The following TASP1 variants were observed in gnomAD, a reference collection of about 807,000 sequenced individuals.
TASP1 encodes taspase 1.
TASP1 carries 16 observed loss-of-function variants against 56.6 expected under a neutral mutation model. The observed-to-expected ratio is 0.28, with a 90% CI of 0.19 to 0.43. The LOEUF (loss-of-function observed/expected upper bound fraction) is 0.43, where lower values mean the gene tolerates loss of function less well. TASP1 is among the 20% of genes least tolerant of loss of function. TASP1 has a pLI of 1.00. For missense variants in TASP1, 393 were observed against 511.6 expected (o/e 0.77, Z 2.24); for synonymous variants, 179 against 184.2 (o/e 0.97, Z 0.23).
chr20:13,131,669 A>G, the TASP1 span, among the ~76,000 whole-genome samples: 1 of 152,132 alleles, frequency 6.6e-6, no homozygotes, highest in Non-Finnish European at 1.5e-5. Context: ...CACACAGCCA[A>G]CACTCTCTCT....
At chr20:13,407,223 T>C (rs2041958245) in intron 13 of TASP1, among the ~76,000 whole-genome samples, 1 of 152,200 alleles carries the variant, frequency 6.6e-6, no homozygotes. Flanking sequence ...AGAAACCCTG[T>C]GCCCATTAGC....
chr20:13,299,484 G>GCTGCCTCTGGTTCTGGAGCACA, the TASP1 span: 1 of 1,570,484 alleles, frequency 6.4e-7, no homozygotes, highest in Non-Finnish European at 8.6e-7. The surrounding 1 kb of genome is among the most constrained non-coding windows in gnomAD (Gnocchi z 5.8). Context: ...GGTGGAGGAC[G>GCTGCCTCTGGTTCTGGAGCACA]CTGCCTCTGG....
At chr20:13,252,455 AG>A in the TASP1 span, among the ~76,000 whole-genome samples, 1 of 152,168 alleles carries the variant, frequency 6.6e-6, no homozygotes, top group Non-Finnish European at 1.5e-5. Flanking sequence ...TTCAGTATAA[AG>A]GGGCGCCATC....
chr20:13,294,992 G>A, the TASP1 span, among the ~76,000 whole-genome samples: 2 of 152,202 alleles, frequency 1.3e-5, no homozygotes, highest in Non-Finnish European at 2.9e-5. Flanking sequence ...GAGTTCATAA[G>A]ACATGCCCAA....
chr20:13,147,906 G>A, the TASP1 span, among the ~76,000 whole-genome samples: 6 of 152,178 alleles, frequency 3.9e-5, no homozygotes, highest in Non-Finnish European at 7.3e-5. Flanking sequence ...GCATATTCAT[G>A]TTTTCTGTTA....
chr20:13,611,495 A>G (rs2048345612), intron 4 of TASP1, among the ~76,000 whole-genome samples: 2 of 152,202 alleles, frequency 1.3e-5, no homozygotes. Context: ...ATAAAAGTTA[A>G]TATTTAAGTC....
chr20:13,256,994 A>C, the TASP1 span, among the ~76,000 whole-genome samples: 1 of 152,208 alleles, frequency 6.6e-6, no homozygotes, highest in Non-Finnish European at 1.5e-5. Flanking sequence ...AAATGTAACA[A>C]TGTGAAAGTG....
chr20:13,183,885 C>A, the TASP1 span, among the ~76,000 whole-genome samples: 1 of 151,680 alleles, frequency 6.6e-6, no homozygotes, highest in Non-Finnish European at 1.5e-5. Context: ...AAAAATTAGC[C>A]GGGCATGGTG....
intron 11 of TASP1, among the ~76,000 whole-genome samples, chr20:13,449,937 A>G (rs1001627834): frequency 3.3e-5 from 5 of 152,108 alleles, no homozygotes; most frequent in African/African-American, 1.2e-4. Flanking sequence ...AGGGTGTTGC[A>G]TCTCACTTGA....
In TASP1 at chr20:13,625,491, G is replaced by A. The variant is rs181737550; in HGVS notation, c.146-239C>T. Among the ~76,000 whole-genome samples the A allele has an allele frequency of 2.0e-5, 3 of 152,196 alleles. No individual in the cohort carries two copies. The East Asian group carries it at 5.8e-4, about 29-fold the overall frequency. ...TAAAAATAGCTCATGTCCCCAAAGA[G>A]GCTTCACCAAGGTCCCCTCCCCTCT... On this transcript the variant is annotated intron_variant, in intron 2 of 13. Coordinates refer to ENST00000337743, the MANE Select transcript of TASP1 (RefSeq NM_017714.3).
chr20:13,392,449 T>C (rs778437358), intron 13 of TASP1, among the ~76,000 whole-genome samples: 1 of 152,340 alleles, frequency 6.6e-6, no homozygotes, highest in Admixed American at 6.5e-5. Flanking sequence ...GTTTCTGTAA[T>C]TGAAAGTCGG....
chr20:13,292,978 C>T, the TASP1 span, among the ~76,000 whole-genome samples: 18 of 151,988 alleles, frequency 1.2e-4, no homozygotes, highest in East Asian at 2.7e-3. Context: ...GGGCAGATCA[C>T]GAGGTCAGGA....
intron 13 of TASP1, among the ~76,000 whole-genome samples, chr20:13,403,029 C>T (rs1022331374): frequency 4.6e-5 from 7 of 152,128 alleles, no homozygotes; most frequent in Non-Finnish European, 8.8e-5. Context: ...TAAGTTGTGG[C>T]GCTGTCAAAG....
At chr20:13,312,429 T>C in the TASP1 span, among the ~76,000 whole-genome samples, 1 of 152,210 alleles carries the variant, frequency 6.6e-6, no homozygotes, top group Admixed American at 6.5e-5. Context: ...CTCCAAGAGA[T>C]GCAGAGAGGC....
At chr20:13,216,099 A>C in the TASP1 span, among the ~76,000 whole-genome samples, 2 of 152,342 alleles carry the variant, frequency 1.3e-5, no homozygotes, top group Admixed American at 6.5e-5. Context: ...TTTATGGAGC[A>C]TTTACTATGT....
intron 4 of TASP1, among the ~76,000 whole-genome samples, chr20:13,606,136 CGTGTGT>C (rs33951824): frequency 5.3e-5 from 8 of 150,408 alleles, no homozygotes; most frequent in African/African-American, 1.7e-4. Context: ...TGTGTGCGTG[CGTGTGT>C]GTGTGTGTGT....
At chr20:13,564,457 C>A (rs1216894107) in intron 7 of TASP1, among the ~76,000 whole-genome samples, 19 of 151,764 alleles carry the variant, frequency 1.3e-4, no homozygotes, top group Non-Finnish European at 1.8e-4. Flanking sequence ...TGAAAAGACA[C>A]CCAGGTTCAT....
chr20:13,361,660 A>C, the TASP1 span, among the ~76,000 whole-genome samples: 2 of 151,426 alleles, frequency 1.3e-5, no homozygotes, highest in Non-Finnish European at 2.9e-5. Flanking sequence ...TGTGCCCCCC[A>C]AAAAAACTTG....
intron 1 of TASP1, among the ~76,000 whole-genome samples, chr20:13,631,343 C>T (rs1262015840): frequency 6.6e-6 from 1 of 152,012 alleles, no homozygotes; most frequent in Non-Finnish European, 1.5e-5. Flanking sequence ...ATTTAAATGC[C>T]TGGTTTTGTT....
Sources: gnomAD v4.1 joint callset for allele counts (sites outside exome capture counted in the v4.1 genomes callset) on GRCh38, gnomAD v4.1.1 for gene constraint, Gnocchi (gnomAD v3.1) non-coding constraint, MANE v1.5 for transcripts, NCBI Gene and HGNC (gene_info 2026-07-23, HGNC 2026-07-21) for gene names.